Variants in STK32B observed in about 807,000 individuals in gnomAD.
STK32B encodes serine/threonine-protein kinase 32B.
A neutral mutation model predicts 52.6 loss-of-function variants in STK32B; 43 were observed. That is an observed-to-expected ratio of 0.82 (90% CI 0.64 to 1.05). STK32B has a LOEUF of 1.05. Ranked by LOEUF, STK32B falls within the 50% of genes least tolerant of loss-of-function variation. STK32B has a pLI of 0.00. For synonymous variants in STK32B, 238 were observed against 204.3 expected (o/e 1.17, Z -1.41); for missense variants, 621 against 534.6 (o/e 1.16, Z -1.59).
intron 3 of STK32B, among the ~76,000 whole-genome samples, chr4:5,218,234 G>T (rs1193019564): frequency 6.6e-6 from 1 of 152,082 alleles, no homozygotes; most frequent in Non-Finnish European, 1.5e-5. Flanking sequence ...TGTGAGTAGT[G>T]GCAAAGAATC....
At chr4:5,062,667 C>T (rs990893869) in intron 1 of STK32B, among the ~76,000 whole-genome samples, 1 of 152,074 alleles carries the variant, frequency 6.6e-6, no homozygotes, top group Admixed American at 6.6e-5. Flanking sequence ...TGCCACCATG[C>T]CCCGCTAATT....
chr4:5,371,834 T>C (rs1054668319), intron 4 of STK32B, among the ~76,000 whole-genome samples: 4 of 152,228 alleles, frequency 2.6e-5, no homozygotes, highest in Admixed American at 1.3e-4. Context: ...GGACAGAGTT[T>C]GCTGACCTCT....
intron 4 of STK32B, among the ~76,000 whole-genome samples, chr4:5,397,813 C>T (rs1022840304): frequency 6.6e-6 from 1 of 152,220 alleles, no homozygotes; most frequent in African/African-American, 2.4e-5. Context: ...TCATTGAGCT[C>T]GAGTGGATGC....
At chr4:5,095,111 T>C (rs541089920) in intron 1 of STK32B, among the ~76,000 whole-genome samples, 13 of 152,244 alleles carry the variant, frequency 8.5e-5, no homozygotes, top group Non-Finnish European at 1.6e-4. Flanking sequence ...GCTACAGCTC[T>C]GACTGGGAGG....
At chr4:5,390,507 T>C (rs1211671785) in intron 4 of STK32B, among the ~76,000 whole-genome samples, 4 of 152,144 alleles carry the variant, frequency 2.6e-5, no homozygotes, top group Non-Finnish European at 5.9e-5. Context: ...ATATTTTCAG[T>C]AACCCTTTTC....
intron 3 of STK32B, among the ~76,000 whole-genome samples, chr4:5,256,077 A>G (rs1726274171): frequency 6.6e-6 from 1 of 152,144 alleles, no homozygotes; most frequent in Non-Finnish European, 1.5e-5. Flanking sequence ...AGAAGAAGGA[A>G]ATTGTGGGAA....
At chr4:5,361,219 T>C (rs1176113002) in intron 4 of STK32B, among the ~76,000 whole-genome samples, 1 of 152,238 alleles carries the variant, frequency 6.6e-6, no homozygotes, top group Non-Finnish European at 1.5e-5. Context: ...CATTCGTTGG[T>C]CAATGGACAC....
chr4:5,180,741 C>T (rs59153453), intron 3 of STK32B, among the ~76,000 whole-genome samples: 15,959 of 152,190 alleles, frequency 0.1, 1,536 homozygotes, highest in African/African-American at 0.26. Context: ...GAAACCCTGA[C>T]TGTACACCTT....
At chr4:5,152,122 A>G (rs565864753) in intron 2 of STK32B, among the ~76,000 whole-genome samples, 6 of 152,288 alleles carry the variant, frequency 3.9e-5, no homozygotes, top group Admixed American at 2.0e-4. Context: ...ACAGGTCTGC[A>G]TTTTTTTGGT....
chr4:5,028,816 C>T, the STK32B span, among the ~76,000 whole-genome samples: 12 of 152,138 alleles, frequency 7.9e-5, no homozygotes, highest in Admixed American at 1.3e-4. Flanking sequence ...TAAAGAAATA[C>T]CTGAGACTAG....
chr4:5,192,842 C>T (rs1196845293), intron 3 of STK32B, among the ~76,000 whole-genome samples: 2 of 152,232 alleles, frequency 1.3e-5, no homozygotes, highest in Non-Finnish European at 2.9e-5. Context: ...CTGTAACTAA[C>T]AGTTTATAGT....
chr4:5,044,643 T>C, the STK32B span, among the ~76,000 whole-genome samples: 1 of 152,218 alleles, frequency 6.6e-6, no homozygotes, highest in Admixed American at 6.5e-5. Flanking sequence ...TGCCGGCTCA[T>C]GCCTGTCATT....
chr4:5,189,465 A>G (rs1427029426), intron 3 of STK32B, among the ~76,000 whole-genome samples: 7 of 152,162 alleles, frequency 4.6e-5, no homozygotes, highest in African/African-American at 1.2e-4. Flanking sequence ...AGTTTTCTGT[A>G]TGTCTTTCAT....
intron 6 of STK32B, among the ~76,000 whole-genome samples, chr4:5,445,930 T>C (rs1256260546): frequency 9.3e-6 from 1 of 107,548 alleles, no homozygotes. Context: ...TAAAATATAG[T>C]TGTCCCTGAG....
At chr4:5,091,141 T>C (rs1713058058) in intron 1 of STK32B, among the ~76,000 whole-genome samples, 1 of 152,170 alleles carries the variant, frequency 6.6e-6, no homozygotes, top group South Asian at 2.1e-4. Flanking sequence ...TACCCTGATA[T>C]CAATGCCAGA....
At chr4:5,188,984 C>T (rs1720966501) in intron 3 of STK32B, among the ~76,000 whole-genome samples, 1 of 151,334 alleles carries the variant, frequency 6.6e-6, no homozygotes, top group Non-Finnish European at 1.5e-5. Context: ...GCACGTTGTG[C>T]ACGTGTACCC....
At chr4:5,024,574 G>A in the STK32B span, among the ~76,000 whole-genome samples, 1 of 152,152 alleles carries the variant, frequency 6.6e-6, no homozygotes, top group African/African-American at 2.4e-5. Flanking sequence ...GGTCTCCCTT[G>A]TGACCACTGA....
At chr4:5,353,328 G>T (rs1192788853) in intron 4 of STK32B, among the ~76,000 whole-genome samples, 1 of 147,334 alleles carries the variant, frequency 6.8e-6, no homozygotes, top group East Asian at 1.9e-4. Flanking sequence ...AACAATTCAG[G>T]ATATTGCTCT....
At chr4:5,424,595 G>A (rs1712928110) in intron 6 of STK32B, among the ~76,000 whole-genome samples, 1 of 152,224 alleles carries the variant, frequency 6.6e-6, no homozygotes, top group African/African-American at 2.4e-5. Context: ...ACAGACATCT[G>A]CACAATCTGC....
Sources: allele counts gnomAD v4.1 joint callset (sites outside exome capture counted in the v4.1 genomes callset), GRCh38; gene constraint gnomAD v4.1.1; transcripts MANE v1.5; gene names NCBI Gene and HGNC (gene_info 2026-07-23, HGNC 2026-07-21).